Variants in MYO1D observed in about 807,000 individuals in gnomAD.
The protein encoded by MYO1D is unconventional myosin-Id.
MYO1D carries 83 observed loss-of-function variants against 122.0 expected under a neutral mutation model. The ratio of observed to expected loss-of-function variants is 0.68; its 90% confidence interval spans 0.57 to 0.82. The LOEUF is 0.82. Ranked by LOEUF, MYO1D falls within the 40% of genes least tolerant of loss-of-function variation. The pLI is 0.00. For synonymous variants in MYO1D, 464 were observed against 446.9 expected (o/e 1.04, Z -0.48); for missense variants, 1,157 against 1,269.5 (o/e 0.91, Z 1.35).
At chr17:32,739,166 A>C (rs1266284450) in intron 13 of MYO1D, among the ~76,000 whole-genome samples, 1 of 152,098 alleles carries the variant, frequency 6.6e-6, no homozygotes, top group Non-Finnish European at 1.5e-5. Flanking sequence ...AAGCAGTTGG[A>C]ACTCAAAATG....
chr17:32,861,580 G>A (rs1567676114), intron 1 of MYO1D, among the ~76,000 whole-genome samples: 1 of 152,026 alleles, frequency 6.6e-6, no homozygotes, highest in Non-Finnish European at 1.5e-5. Context: ...TGAATCTTGG[G>A]ATTTTATGTC....
In MYO1D at chr17:32,776,041, A is replaced by G. The variant is rs951248786; in HGVS notation, c.399-12T>C. ...ACATATTCTTCACTCTTTAACACAG[A>G]TAAATGAAAGTCATTATAAAAACTT... On this transcript the variant is annotated splice_polypyrimidine_tract_variant and intron_variant, in intron 3 of 21. Transcript: ENST00000318217. The G allele has an allele frequency of 3.7e-6, 6 of 1,603,982 alleles. No homozygotes were observed. In the Admixed American group the frequency reaches 8.8e-5, roughly 24 times the overall value.
chr17:32,553,709 C>T (rs766069723), intron 21 of MYO1D, among the ~76,000 whole-genome samples: 2 of 152,174 alleles, frequency 1.3e-5, no homozygotes, highest in Non-Finnish European at 2.9e-5. Flanking sequence ...TCCTCCTCAA[C>T]ACCCCTTTCC....
intron 14 of MYO1D, among the ~76,000 whole-genome samples, chr17:32,725,336 T>C (rs777612147): frequency 2.6e-5 from 4 of 151,960 alleles, no homozygotes; most frequent in East Asian, 1.9e-4. Flanking sequence ...CTGGCCAACA[T>C]GGTGAAACCC....
intron 1 of MYO1D, among the ~76,000 whole-genome samples, chr17:32,807,025 T>C (rs2090520671): frequency 6.6e-6 from 1 of 152,206 alleles, no homozygotes; most frequent in Non-Finnish European, 1.5e-5. Flanking sequence ...CACACATAAA[T>C]AGGCTATAAG....
chr17:32,506,918 C>G (rs1347044312), intron 21 of MYO1D, among the ~76,000 whole-genome samples: 1 of 152,112 alleles, frequency 6.6e-6, no homozygotes, highest in Non-Finnish European at 1.5e-5. Context: ...GAGTTTGAGG[C>G]TGTAATGGGC....
Position 32,652,114 on chromosome 17 carries a change from T to C in MYO1D, c.2595+1729A>G, listed in dbSNP as rs139734288. Among the ~76,000 whole-genome samples, 569 of 152,340 alleles carry C rather than the reference T, an allele frequency of 3.7e-3. 4 individuals carry two copies. Among genetic ancestry groups the C allele is most frequent in the African/African-American group, 0.013 (534 of 41,582 alleles). On this transcript the variant is annotated intron_variant, in intron 19 of 21. Transcript: ENST00000318217. ...CTGTACATCTCTCTCTCTCTGGGTA[T>C]TTGTACAGATATATTTGTAGGGTAA...
chr17:32,635,874 C>T (rs750481169), intron 20 of MYO1D, among the ~76,000 whole-genome samples: 1 of 152,116 alleles, frequency 6.6e-6, no homozygotes, highest in African/African-American at 2.4e-5. Context: ...ATTGACTACT[C>T]TTATTTCTGA....
At chr17:32,823,923 G>A (rs867177423) in intron 1 of MYO1D, among the ~76,000 whole-genome samples, 4 of 149,220 alleles carry the variant, frequency 2.7e-5, no homozygotes, top group African/African-American at 9.7e-5. Context: ...AAAAATTAGC[G>A]GGGCGTGGTG....
intron 21 of MYO1D, among the ~76,000 whole-genome samples, chr17:32,554,306 G>A (rs2087049103): frequency 6.6e-6 from 1 of 152,092 alleles, no homozygotes; most frequent in Admixed American, 6.6e-5. Flanking sequence ...GGGCAGGAAA[G>A]GGTTGGAATC....
chr17:32,513,448 T>C lies in MYO1D; in HGVS notation c.2865-18533A>G, dbSNP rs930783293. ...AAGGAGGTGGAAAGAGAGAATGAGT[T>C]TGTTTTTTGGACAGTGTTGAGTTTG... On this transcript the variant is annotated intron_variant, in intron 21 of 21. Transcript: ENST00000318217. Among the ~76,000 whole-genome samples, 3 of 152,286 alleles carry C rather than the reference T, an allele frequency of 2.0e-5. No individual in the cohort carries two copies. The South Asian group carries it at 6.2e-4, about 32-fold the overall frequency.
intron 1 of MYO1D, among the ~76,000 whole-genome samples, chr17:32,862,093 C>T (rs1175879691): frequency 2.0e-5 from 3 of 152,120 alleles, no homozygotes; most frequent in Non-Finnish European, 4.4e-5. Flanking sequence ...CCGCTCCCCA[C>T]CTCTCCCCCA....
chr17:32,694,533 C>T (rs1436035171), intron 16 of MYO1D, among the ~76,000 whole-genome samples: 1 of 151,744 alleles, frequency 6.6e-6, no homozygotes. Context: ...AACCCTGTCT[C>T]TACTAAAAAT....
intron 14 of MYO1D, among the ~76,000 whole-genome samples, chr17:32,735,575 G>C (rs979078946): frequency 2.8e-5 from 4 of 141,536 alleles, no homozygotes; most frequent in Non-Finnish European, 6.2e-5. Flanking sequence ...GGTTTTCAAA[G>C]CTTCTGCATT....
At chr17:32,765,407 G>A (rs1051936349) in intron 7 of MYO1D, among the ~76,000 whole-genome samples, 2 of 152,048 alleles carry the variant, frequency 1.3e-5, no homozygotes, top group South Asian at 2.1e-4. Flanking sequence ...AGCATTTGAT[G>A]CTTTCCTCTA....
chr17:32,585,666 G>A lies in MYO1D; in HGVS notation c.2864+19421C>T, dbSNP rs566930155. ...AATCTTTTGAACGTGGGAGGCGGAG[G>A]TTGCAGTGAGCTGAGATCGCGCCAC... On this transcript the variant is annotated intron_variant, in intron 21 of 21. Transcript: ENST00000318217. 7.3e-5 allele frequency among the ~76,000 whole-genome samples: 11 copies of A among 151,052 alleles called. No homozygotes were observed. In the South Asian group the frequency reaches 1.5e-3, roughly 20 times the overall value.
chr17:32,664,173 C>T (rs1435042968), intron 16 of MYO1D, among the ~76,000 whole-genome samples: 7 of 152,180 alleles, frequency 4.6e-5, no homozygotes, highest in Admixed American at 3.9e-4. Context: ...ATGATTCATG[C>T]ATTTTCCCTT....
At chr17:32,722,059 T>C (rs2089518616) in intron 14 of MYO1D, among the ~76,000 whole-genome samples, 1 of 152,230 alleles carries the variant, frequency 6.6e-6, no homozygotes, top group Non-Finnish European at 1.5e-5. Flanking sequence ...TGCTGAGGGC[T>C]AGAAGTAGAA....
chr17:32,858,716 TTTTC>T, intron 1 of MYO1D, among the ~76,000 whole-genome samples: 1 of 152,344 alleles, frequency 6.6e-6, no homozygotes, highest in East Asian at 1.9e-4. Context: ...AATAATCTTT[TTTTC>T]TTTGGTATTA....
Sources: gnomAD v4.1 joint callset for allele counts (sites outside exome capture counted in the v4.1 genomes callset) on GRCh38, gnomAD v4.1.1 for gene constraint, MANE v1.5 for transcripts, NCBI Gene and HGNC (gene_info 2026-07-23, HGNC 2026-07-21) for gene names.